Variants in PLG observed in about 807,000 individuals in gnomAD.
The protein encoded by PLG is plasmin.
In PLG, 41 loss-of-function variants were observed where a neutral mutation model predicts 104.4. The observed-to-expected ratio is 0.39, with a 90% CI of 0.31 to 0.51. The LOEUF (loss-of-function observed/expected upper bound fraction) is 0.51. Among genes scored for constraint, PLG ranks in the 20% least tolerant of loss-of-function variants. The pLI is 0.76. For missense variants in PLG, 891 were observed against 1,003.6 expected (o/e 0.89, Z 1.52); for synonymous variants, 337 against 357.1 (o/e 0.94, Z 0.63).
chr6:160,707,742 G>A lies in PLG; in HGVS notation c.228G>A (p.Met76Ile). Residue 76 changes from methionine (M) to isoleucine (I), a missense_variant, in exon 3 of 19, where the codon ATG (methionine) becomes ATA (isoleucine). Met to Ile is a conservative substitution (Grantham distance 10). Coordinates refer to ENST00000308192, the MANE Select transcript of PLG (RefSeq NM_000301.5). ...GTAAAGAGCAACAATGTGTGATAAT[G>A]GCTGAAAACAGGAAGTCCTCCATAA... ...YHSKEQQCVIMAENRKSSIII... is the reference protein window; with the variant it reads ...YHSKEQQCVIIAENRKSSIII... 1.2e-6 allele frequency: 2 copies of A among 1,611,520 alleles called. No homozygotes were observed. Among genetic ancestry groups the A allele is most frequent in the Non-Finnish European group, 1.7e-6 (2 of 1,179,446 alleles).
At chr6:160,714,739 T>C (rs993751192) in intron 5 of PLG, 55 bp from the exon 6 acceptor site, 2 of 1,593,706 alleles carry the variant, frequency 1.3e-6, no homozygotes, top group African/African-American at 2.7e-5. Flanking sequence ...TCTATTTTGC[T>C]TCATCCATTT....
At position 160,724,314 on chromosome 6, in the gene PLG, C is replaced by T. The variant is rs1218242458; in HGVS notation, c.1256+1747C>T. Among the ~76,000 whole-genome samples, 1 of 151,870 alleles carries T rather than the reference C, an allele frequency of 6.6e-6. No individual in the cohort carries two copies. Among genetic ancestry groups the T allele is most frequent in the Non-Finnish European group, 1.5e-5 (1 of 67,942 alleles). On this transcript the variant is annotated intron_variant, in intron 10 of 18. Coordinates refer to ENST00000308192, the MANE Select transcript of PLG (RefSeq NM_000301.5). The surrounding 1 kb of genome is among the most constrained non-coding windows in gnomAD (Gnocchi z 5.0). ...TAGAAATTAAATAACTAAAAAAGTG[C>T]ATGTTTAATGAAAAATGTACTGGCT...
chr6:160,748,350 G>GAGAAAAAA (rs1554252936), intron 17 of PLG, among the ~76,000 whole-genome samples: 1 of 49,404 alleles, frequency 2.0e-5, no homozygotes, highest in African/African-American at 7.0e-5. Context: ...AGAAAAGAAA[G>GAGAAAAAA]AGAAAGAAAG....
intron 5 of PLG, among the ~76,000 whole-genome samples, chr6:160,714,247 A>C (rs1777693963): frequency 6.6e-6 from 1 of 152,238 alleles, no homozygotes; most frequent in Non-Finnish European, 1.5e-5. Context: ...TCAACAACAT[A>C]AAAAGAGAAG....
Position 160,752,804 on chromosome 6 carries a change from T to C in PLG, c.2272-96T>C, listed in dbSNP as rs1012672320. On this transcript the variant is annotated intron_variant, in intron 18 of 18. Coordinates refer to ENST00000308192, the MANE Select transcript of PLG (RefSeq NM_000301.5). This position sits in a 1 kb window ranked among gnomAD's most constrained non-coding sequence, Gnocchi z 4.7. ...TAAGTTCCTTTCTGATTTCAATTAC[T>C]GGGAAAATGTATATATGGATAGTAG... The C allele has an allele frequency of 9.3e-6, 13 of 1,401,932 alleles. No individual in the cohort carries two copies. In the African/African-American group the frequency reaches 1.8e-4, roughly 20 times the overall value. The allele number at this position is 1,401,932 out of a possible 1,614,324, so 86.8% of individuals were successfully genotyped here. A position where few individuals can be genotyped will look rare whatever the true frequency, so the allele number is the denominator to read the frequency against.
Position 160,724,281 on chromosome 6 carries a change from T to A in PLG, c.1256+1714T>A, listed in dbSNP as rs190169104. On this transcript the variant is annotated intron_variant, in intron 10 of 18. Coordinates refer to ENST00000308192, the MANE Select transcript of PLG (RefSeq NM_000301.5). The surrounding 1 kb of genome is among the most constrained non-coding windows in gnomAD (Gnocchi z 5.0). ...ATATCAAAAAAGAAAAATTATAAAA[T>A]AACCAAATAGAAATTAAATAACTAA... 2.2e-3 allele frequency among the ~76,000 whole-genome samples: 334 copies of A among 152,056 alleles called. No individual in the cohort carries two copies. Among genetic ancestry groups the A allele is most frequent in the Middle Eastern group, 6.8e-3 (2 of 294 alleles).
At chr6:160,722,813 A>G (rs1328361850) in intron 10 of PLG, among the ~76,000 whole-genome samples, 1 of 152,182 alleles carries the variant, frequency 6.6e-6, no homozygotes, top group Non-Finnish European at 1.5e-5. Flanking sequence ...ATGAGGTCAC[A>G]TTAATTGAAA....
rs1465733808 is a variant in PLG at position 160,732,057 on chromosome 6, A to G, written c.1587+164A>G. On this transcript the variant is annotated intron_variant, in intron 12 of 18. Coordinates refer to ENST00000308192, the MANE Select transcript of PLG (RefSeq NM_000301.5). This position sits in a 1 kb window ranked among gnomAD's most constrained non-coding sequence, Gnocchi z 4.5. ...AGGCATCAGGGGGCTAAGCTAGAAT[A>G]TAATTGGCCTTAGTATGGAAAGTAC... is the stretch of plus-strand genomic sequence containing the variant. Among the ~76,000 whole-genome samples, 1 of 152,202 alleles carries G rather than the reference A, an allele frequency of 6.6e-6. No homozygotes were observed. Among genetic ancestry groups the G allele is most frequent in the East Asian group, 1.9e-4 (1 of 5,200 alleles).
Position 160,739,468 on chromosome 6 carries a change from C to T in PLG, c.2018+260C>T, listed in dbSNP as rs751320166. Among the ~76,000 whole-genome samples the T allele has an allele frequency of 2.0e-5, 3 of 152,200 alleles. No homozygotes were observed. The highest frequency in any genetic ancestry group is 4.8e-5 in the African/African-American group (2 of 41,446). Reference sequence around the variant, plus strand: ...GGTACTCTGTTACTCCTAGAACTCACTTAATGTTCACCAGTTCATACACAT... The same window carrying T: ...GGTACTCTGTTACTCCTAGAACTCATTTAATGTTCACCAGTTCATACACAT... On this transcript the variant is annotated intron_variant, in intron 16 of 18. Transcript: ENST00000308192. The surrounding 1 kb of genome is among the most constrained non-coding windows in gnomAD (Gnocchi z 4.4).
rs571795461 is a variant in PLG, at chr6:160,733,939, C to T, written c.1588-56C>T. ...CATGAAATGCGTGAGCCTTGGAACA[C>T]CTTCTCCCTCTCCTGCCCCACGTGA... On this transcript the variant is annotated intron_variant, in intron 12 of 18. Transcript: ENST00000308192. 3.0e-4 allele frequency: 269 copies of T among 883,706 alleles called. 3 individuals carry two copies. The East Asian group carries it at 6.6e-3, about 22-fold the overall frequency. The allele number at this position is 883,706 out of a possible 1,614,324, so 54.7% of individuals were successfully genotyped here.
intron 10 of PLG, among the ~76,000 whole-genome samples, chr6:160,727,505 T>C (rs1007255243): frequency 6.7e-6 from 1 of 149,412 alleles, no homozygotes; most frequent in African/African-American, 2.4e-5. Flanking sequence ...TGTGAGAAAC[T>C]ATAGCACATT....
chr6:160,748,348 A>AAGAGAAAGAAAGAAAGAAAGAAAGAGAG (rs1554252933), intron 17 of PLG, among the ~76,000 whole-genome samples: 1 of 63,006 alleles, frequency 1.6e-5, no homozygotes, highest in Non-Finnish European at 3.1e-5. Context: ...GAAGAAAAGA[A>AAGAGAAAGAAAGAAAGAAAGAAAGAGAG]AGAGAAAGAA....
chr6:160,749,393 T>A (rs1778356940), intron 17 of PLG, among the ~76,000 whole-genome samples: 1 of 148,824 alleles, frequency 6.7e-6, no homozygotes, highest in Non-Finnish European at 1.5e-5. Flanking sequence ...ATCATCACTA[T>A]CACCACCACC....
At chr6:160,745,085 T>C (rs1330835070) in intron 17 of PLG, among the ~76,000 whole-genome samples, 1 of 152,194 alleles carries the variant, frequency 6.6e-6, no homozygotes, top group Non-Finnish European at 1.5e-5. Flanking sequence ...ATGTGGTTGA[T>C]TTTTAGAGTA....
rs535211036 is a variant in PLG at position 160,732,776 on chromosome 6, C to T, written c.1587+883C>T. ...GACAGAAGAGATGCACGGGGCAAGG[C>T]ATGTGAGAAGGGGCTCAGAGTTTCC... On this transcript the variant is annotated intron_variant, in intron 12 of 18. Coordinates refer to ENST00000308192, the MANE Select transcript of PLG (RefSeq NM_000301.5). The surrounding 1 kb of genome is among the most constrained non-coding windows in gnomAD (Gnocchi z 4.5). 6.6e-6 allele frequency among the ~76,000 whole-genome samples: 1 copy of T among 152,286 alleles called. No individual in the cohort carries two copies. The highest frequency in any genetic ancestry group is 2.4e-5 in the African/African-American group (1 of 41,564).
At chr6:160,707,595 C>G in intron 2 of PLG, 105 bp from the exon 3 acceptor site, 1 of 1,198,120 alleles carries the variant, frequency 8.3e-7, no homozygotes. Context: ...GCTCTCTGGT[C>G]CCTCAAGATA....
Position 160,739,243 on chromosome 6 carries a change from G to A in PLG, c.2018+35G>A, listed in dbSNP as rs1338833461. The A allele has an allele frequency of 2.5e-6, 4 of 1,613,900 alleles. No homozygotes were observed. The highest frequency in any genetic ancestry group is 3.4e-6 in the Non-Finnish European group (4 of 1,179,852). ...CACCTGTGGTCTTCACCCCACGCTG[G>A]TGAAGATATTTGCTTTATGTCTGGG... On this transcript the variant is annotated intron_variant, in intron 16 of 18. Transcript: ENST00000308192. The surrounding 1 kb of genome is among the most constrained non-coding windows in gnomAD (Gnocchi z 4.4).
chr6:160,727,156 G>C (rs114056944), intron 10 of PLG, among the ~76,000 whole-genome samples: 3 of 151,472 alleles, frequency 2.0e-5, no homozygotes. Context: ...GCAACTTTAC[G>C]TTAACAAATT....
chr6:160,727,511 A>G (rs1777938444), intron 10 of PLG, among the ~76,000 whole-genome samples: 1 of 151,774 alleles, frequency 6.6e-6, no homozygotes, highest in Admixed American at 6.6e-5. Context: ...AAACTATAGC[A>G]CATTATGTAT....
Sources: allele counts gnomAD v4.1 joint callset (sites outside exome capture counted in the v4.1 genomes callset), GRCh38; gene constraint gnomAD v4.1.1; non-coding constraint Gnocchi (gnomAD v3.1); transcripts MANE v1.5; gene names NCBI Gene and HGNC (gene_info 2026-07-23, HGNC 2026-07-21).